The following VSNL1 variants were observed in gnomAD, a reference collection of about 807,000 sequenced individuals.
The protein encoded by VSNL1 is visinin like 1, also known as visinin-like protein 1.
In VSNL1, 6 loss-of-function variants were observed where a neutral mutation model predicts 20.4. That is an observed-to-expected ratio of 0.29 (90% CI 0.16 to 0.58). The LOEUF is 0.58. VSNL1 is among the 20% of genes least tolerant of loss of function. VSNL1 has a pLI of 0.90. For synonymous variants in VSNL1, 93 were observed against 86.4 expected, an observed-to-expected ratio of 1.08 and a Z score of -0.42; for missense variants, 100 against 234.5, an observed-to-expected ratio of 0.43 and a Z score of 3.75.
Position 17,655,465 on chromosome 2 carries a change from AC to A in VSNL1, c.*72del. ...TCAGTCTGCAGCTATTCACACACAC[AC>A]ACACACACACACACACACACACACA... On this transcript the variant is annotated 3_prime_UTR_variant, in exon 4 of 4. Coordinates refer to ENST00000295156, the MANE Select transcript of VSNL1 (RefSeq NM_003385.5). The surrounding 1 kb of genome is among the most constrained non-coding windows in gnomAD (Gnocchi z 5.2). 1.2e-6 allele frequency: 1 copy of A among 861,278 alleles called. No individual in the cohort carries two copies. 53.4% of individuals were successfully genotyped at this position (861,278 alleles called of 1,614,324 possible).
intron 2 of VSNL1, among the ~76,000 whole-genome samples, chr2:17,597,208 T>C (rs1474557323): frequency 6.6e-6 from 1 of 152,206 alleles, no homozygotes; most frequent in Non-Finnish European, 1.5e-5. Context: ...GACACCGAAC[T>C]CTGTGTCCCC....
At chr2:17,633,925 G>A (rs1665694004) in intron 2 of VSNL1, among the ~76,000 whole-genome samples, 2 of 152,170 alleles carry the variant, frequency 1.3e-5, no homozygotes. Context: ...AAGTGAAGGG[G>A]CAAGAGAAAA....
chr2:17,632,976 A>G (rs1422413042), intron 2 of VSNL1, among the ~76,000 whole-genome samples: 1 of 152,218 alleles, frequency 6.6e-6, no homozygotes, highest in Non-Finnish European at 1.5e-5. Context: ...CAATATGGTG[A>G]AACCCTGTTT....
At chr2:17,565,824 G>A (rs1365343912) in intron 1 of VSNL1, among the ~76,000 whole-genome samples, 1 of 152,154 alleles carries the variant, frequency 6.6e-6, no homozygotes, top group Admixed American at 6.5e-5. Flanking sequence ...TCATGGGAGG[G>A]ACCAGGTGGA....
intron 1 of VSNL1, among the ~76,000 whole-genome samples, chr2:17,570,555 T>G (rs1298539394): frequency 1.3e-5 from 2 of 152,244 alleles, no homozygotes; most frequent in Non-Finnish European, 2.9e-5. Context: ...GCAAATGGAA[T>G]ACACAGATTA....
At chr2:17,582,589 T>C (rs1664374169) in intron 1 of VSNL1, among the ~76,000 whole-genome samples, 2 of 152,086 alleles carry the variant, frequency 1.3e-5, no homozygotes, top group South Asian at 4.2e-4. Flanking sequence ...TAGGTTTACA[T>C]ACAGAAACAC....
intron 3 of VSNL1, among the ~76,000 whole-genome samples, chr2:17,653,128 G>T (rs889483605): frequency 2.0e-4 from 31 of 152,204 alleles, no homozygotes; most frequent in African/African-American, 7.5e-4. Flanking sequence ...AGTTTCACAC[G>T]GAGTTCCGAG....
At chr2:17,624,814 T>C (rs566941533) in intron 2 of VSNL1, among the ~76,000 whole-genome samples, 3 of 152,170 alleles carry the variant, frequency 2.0e-5, no homozygotes, top group African/African-American at 7.2e-5. Context: ...AGATAATGAA[T>C]GTATTGCTTT....
At chr2:17,601,497 A>C (rs575853283) in intron 2 of VSNL1, among the ~76,000 whole-genome samples, 15 of 151,284 alleles carry the variant, frequency 9.9e-5, no homozygotes, top group Non-Finnish European at 1.6e-4. Context: ...TCAGCCAGGT[A>C]TCATGGTGCA....
At chr2:17,549,927 TTAG>T (rs1278455043) in intron 1 of VSNL1, among the ~76,000 whole-genome samples, 1 of 152,224 alleles carries the variant, frequency 6.6e-6, no homozygotes, top group East Asian at 1.9e-4. Flanking sequence ...GTACACAAAC[TTAG>T]TAGTCATTAA....
At chr2:17,647,464 AC>A (rs1666023241) in intron 2 of VSNL1, among the ~76,000 whole-genome samples, 1 of 152,172 alleles carries the variant, frequency 6.6e-6, no homozygotes, top group South Asian at 2.1e-4. Context: ...CAGCCAAAGT[AC>A]CCTCTAGAAA....
intron 1 of VSNL1, among the ~76,000 whole-genome samples, chr2:17,578,608 G>GCTA (rs1664273363): frequency 6.6e-6 from 1 of 152,188 alleles, no homozygotes; most frequent in African/African-American, 2.4e-5. Flanking sequence ...TTCAGCACAT[G>GCTA]CTACCTGTGC....
chr2:17,601,070 A>G lies in VSNL1; in HGVS notation c.162+8834A>G, dbSNP rs917769767. Among the ~76,000 whole-genome samples, 13 of 152,156 alleles carry G rather than the reference A, an allele frequency of 8.5e-5. 1 individual carries two copies. Among genetic ancestry groups the G allele is most frequent in the African/African-American group, 3.1e-4 (13 of 41,436 alleles). The stretch of plus-strand genomic sequence containing the variant: ...CCTTGGGATTTTGCTTTCCCATGGT[A>G]GGGCAGGTGTCATTTAGAGAGATAT... On this transcript the variant is annotated intron_variant, in intron 2 of 3. Transcript: ENST00000295156.
At chr2:17,607,212 G>A (rs772714952) in intron 2 of VSNL1, among the ~76,000 whole-genome samples, 3 of 152,180 alleles carry the variant, frequency 2.0e-5, no homozygotes, top group Non-Finnish European at 4.4e-5. Context: ...ACTTGGTGAG[G>A]ACTGTTGCTA....
chr2:17,632,292 G>A (rs985775701), intron 2 of VSNL1, among the ~76,000 whole-genome samples: 1 of 150,996 alleles, frequency 6.6e-6, no homozygotes, highest in Non-Finnish European at 1.5e-5. Context: ...TTTTGTTTTT[G>A]TTTTTGATTT....
intron 1 of VSNL1, among the ~76,000 whole-genome samples, chr2:17,556,899 C>T (rs1181274348): frequency 6.6e-5 from 10 of 152,176 alleles, no homozygotes; most frequent in African/African-American, 2.4e-4. Context: ...AAGGAGCTTA[C>T]ATCTGCCTGA....
chr2:17,651,469 G>C (rs1399428620), intron 3 of VSNL1, among the ~76,000 whole-genome samples: 1 of 152,256 alleles, frequency 6.6e-6, no homozygotes, highest in Non-Finnish European at 1.5e-5. Context: ...AACGGGTGAA[G>C]AAGCAGTGGT....
intron 1 of VSNL1, among the ~76,000 whole-genome samples, chr2:17,562,000 GT>G (rs1663827573): frequency 1.3e-5 from 2 of 152,130 alleles, no homozygotes; most frequent in Admixed American, 6.5e-5. Flanking sequence ...AGCCAACAGG[GT>G]CTGCAATGCC....
Position 17,655,212 on chromosome 2 carries a change from G to A in VSNL1, c.394G>A (p.Val132Ile), listed in dbSNP as rs1666203036. ...LEIIEAIYKM[V>I]GTVIMMKMNE... ...TTTCCCCAAGGCTATCTACAAAATG[G>A]TAGGCACTGTGATCATGATGAAAAT... Residue 132 changes from valine (V) to isoleucine (I), a missense_variant, in exon 4 of 4, where the codon GTA becomes ATA. Physicochemically the swap from Val to Ile is conservative, Grantham distance 29. Transcript: ENST00000295156. The surrounding 1 kb of genome is among the most constrained non-coding windows in gnomAD (Gnocchi z 5.2). 1 of 1,614,038 alleles carries A rather than the reference G, an allele frequency of 6.2e-7. No individual in the cohort carries two copies. Among genetic ancestry groups the A allele is most frequent in the African/African-American group, 1.3e-5 (1 of 75,002 alleles).
Sources: gnomAD v4.1 joint callset for allele counts (sites outside exome capture counted in the v4.1 genomes callset) on GRCh38, gnomAD v4.1.1 for gene constraint, Gnocchi (gnomAD v3.1) non-coding constraint, MANE v1.5 for transcripts, NCBI Gene and HGNC (gene_info 2026-07-23, HGNC 2026-07-21) for gene names.